TARBP1: variants seen among roughly 807,000 people sequenced by gnomAD.
TARBP1 encodes the protein tRNA (guanosine(18)-2'-O)-methyltransferase TARBP1.
A neutral mutation model predicts 178.6 loss-of-function variants in TARBP1; 144 were observed. That is an observed-to-expected ratio of 0.81 (90% confidence interval 0.70 to 0.93). The LOEUF (loss-of-function observed/expected upper bound fraction) is 0.93, where lower values mean the gene tolerates loss of function less well. TARBP1 is among the 40% of genes least tolerant of loss of function. The probability of loss-of-function intolerance (pLI) is 0.00; values close to 1 mark genes in which losing one functional copy is unlikely to be tolerated. For missense variants in TARBP1, 2,067 were observed against 2,011.7 expected, an observed-to-expected ratio of 1.03 and a Z score of -0.53; for synonymous variants, 787 against 781.0, an observed-to-expected ratio of 1.01 and a Z score of -0.13.
chr1:234,423,405 T>C (rs1558182935), intron 20 of TARBP1, among the ~76,000 whole-genome samples: 1 of 152,162 alleles, frequency 6.6e-6, no homozygotes, highest in African/African-American at 2.4e-5. Flanking sequence ...AAGCCCCTTC[T>C]TTAACTCCAG....
At chr1:234,404,486 C>A (rs1013583848) in intron 24 of TARBP1, among the ~76,000 whole-genome samples, 1 of 152,172 alleles carries the variant, frequency 6.6e-6, no homozygotes, top group Admixed American at 6.5e-5. Flanking sequence ...GTAAACTCAG[C>A]CATGTATTCA....
At chr1:234,473,550 G>T (rs1021092358) in intron 1 of TARBP1, among the ~76,000 whole-genome samples, 2 of 152,190 alleles carry the variant, frequency 1.3e-5, no homozygotes, top group Non-Finnish European at 2.9e-5. Flanking sequence ...TCAGGTCCTA[G>T]AATGCTGGCC....
chr1:234,433,905 T>C (rs1250829648), intron 13 of TARBP1, among the ~76,000 whole-genome samples: 1 of 152,212 alleles, frequency 6.6e-6, no homozygotes, highest in Non-Finnish European at 1.5e-5. Flanking sequence ...TAAATAATAA[T>C]GATAATGGTT....
chr1:234,407,860 T>C (rs1321250178), intron 23 of TARBP1: 3 of 152,228 alleles, frequency 2.0e-5, no homozygotes, highest in Non-Finnish European at 4.4e-5. Context: ...CTTGTATACT[T>C]TCTGCCCTAG....
At position 234,472,696 on chromosome 1, in the gene TARBP1, A is replaced by C. The variant is rs766154111; in HGVS notation, c.1029+18T>G. ...TTGTTATCTACTGTAGGATTTGCTA[A>C]AATAGAAAAACACTTACCTGATTTC... On this transcript the variant is annotated intron_variant, in intron 2 of 29. Coordinates refer to ENST00000040877, the MANE Select transcript of TARBP1 (RefSeq NM_005646.4). 7 of 1,537,098 alleles carry C rather than the reference A, an allele frequency of 4.6e-6. No individual in the cohort carries two copies.
At position 234,450,566 on chromosome 1, in the gene TARBP1, G is replaced by T; in HGVS notation, c.1723C>A (p.Leu575Met). The stretch of plus-strand genomic sequence containing the variant: ...TCATTAACACGTAGCCAGTCACACA[G>T]CTGGAAAAGAAAACAGTTATTACTT... ...LGRGTSLWTE[L>M]CDWLRVNESY... is the part of the protein sequence containing the mutation. The change falls in exon 10 of 30, where the codon CTG (leucine) becomes ATG (methionine). Residue 575 changes from leucine (L) to methionine (M), a missense_variant and splice_region_variant. Coordinates refer to ENST00000040877, the MANE Select transcript of TARBP1 (RefSeq NM_005646.4). The T allele has an allele frequency of 6.2e-7, 1 of 1,606,950 alleles. No homozygotes were observed. The highest frequency in any genetic ancestry group is 1.7e-4 in the Middle Eastern group (1 of 6,046).
chr1:234,467,763 C>G, intron 3 of TARBP1, 113 bp from the exon 4 acceptor site: 1 of 1,122,336 alleles, frequency 8.9e-7, no homozygotes, highest in Non-Finnish European at 1.2e-6. Context: ...TATAACACTA[C>G]AAGAAGTTTT....
At chr1:234,414,447 T>C (rs766571341) in intron 22 of TARBP1, among the ~76,000 whole-genome samples, 3 of 152,016 alleles carry the variant, frequency 2.0e-5, no homozygotes, top group Non-Finnish European at 4.4e-5. Flanking sequence ...ATTTAAGAGG[T>C]AGGCAGGGAA....
intron 29 of TARBP1, 34 bp downstream of exon 29, chr1:234,392,382 A>G: frequency 6.3e-7 from 1 of 1,598,038 alleles, no homozygotes. Flanking sequence ...TCTGGGGCTC[A>G]GAGAATATAC....
chr1:234,398,603 G>T (rs1660382148), intron 25 of TARBP1, 50 bp from the exon 26 acceptor site: 3 of 1,333,954 alleles, frequency 2.2e-6, no homozygotes, highest in African/African-American at 1.5e-5. Context: ...GAATAACAAA[G>T]AAATATATAA....
chr1:234,471,036 T>C (rs2103302439), intron 3 of TARBP1, 152 bp downstream of exon 3: 1 of 622,024 alleles, frequency 1.6e-6, no homozygotes, highest in South Asian at 2.1e-5. Context: ...GTAACAACTG[T>C]TATCTCTTGG....
At position 234,425,736 on chromosome 1, in the gene TARBP1, T is replaced by A. The variant is rs1427827691; in HGVS notation, c.3381A>T (p.Leu1127Phe). Reference protein sequence around the residue: ...RICAVKFLCLLDGSNMSHKLF... With the variant: ...RICAVKFLCLFDGSNMSHKLF... ...ACTTGTGGGACATATTGGAGCCATC[T>A]AATAAACACAGGAATTTGACAGCAC... Residue 1127 changes from leucine (L) to phenylalanine (F), a missense_variant, in exon 20 of 30, where the codon TTA becomes TTT. Transcript: ENST00000040877. 1 of 1,609,764 alleles carries A rather than the reference T, an allele frequency of 6.2e-7. No individual in the cohort carries two copies.
In TARBP1 at chr1:234,427,642, G is replaced by T. The variant is rs1409622071; in HGVS notation, c.3185C>A (p.Ala1062Asp). 1 of 1,598,362 alleles carries T rather than the reference G, an allele frequency of 6.3e-7. No individual in the cohort carries two copies. ...AAGGATAAGTTCGCTATAATTTTTA[G>T]CACTTGATAAAGATCCTTGGGACAC... ...SNVSQGSLSS[A>D]KNYSELILEA... The change falls in exon 18 of 30, where the codon GCT becomes GAT. Residue 1062 changes from alanine to aspartate, a missense_variant. By Grantham distance (126) the Ala-to-Asp change is moderately radical. Transcript: ENST00000040877.
chr1:234,462,849 A>ACGTTGGC (rs1422785103), intron 6 of TARBP1, among the ~76,000 whole-genome samples: 2 of 152,204 alleles, frequency 1.3e-5, no homozygotes. Context: ...GTTTGAATAG[A>ACGTTGGC]CATTACCATT....
intron 1 of TARBP1, among the ~76,000 whole-genome samples, 167 bp downstream of exon 1, chr1:234,478,006 A>T (rs919608128): frequency 2.0e-5 from 3 of 152,204 alleles, no homozygotes; most frequent in Non-Finnish European, 4.4e-5. Flanking sequence ...AACACCCTCG[A>T]GAAGGGGTTC....
chr1:234,418,733 G>A (rs564157866), intron 21 of TARBP1, among the ~76,000 whole-genome samples: 8 of 152,150 alleles, frequency 5.3e-5, no homozygotes, highest in African/African-American at 1.2e-4. Context: ...CACAACTACC[G>A]CACTGTTCTC....
intron 20 of TARBP1, among the ~76,000 whole-genome samples, chr1:234,425,107 C>T (rs1663582152): frequency 6.6e-6 from 1 of 151,812 alleles, no homozygotes; most frequent in African/African-American, 2.4e-5. Flanking sequence ...TGCCTGTAAT[C>T]CCAGCTACTC....
In TARBP1 at chr1:234,478,456, C is replaced by A; in HGVS notation, c.648G>T (p.Ala216=). The A allele has an allele frequency of 7.2e-7, 1 of 1,385,032 alleles. No homozygotes were observed. Among genetic ancestry groups the A allele is most frequent in the South Asian group, 1.5e-5 (1 of 68,952 alleles). 85.8% of individuals were successfully genotyped at this position (1,385,032 alleles called of 1,614,324 possible). ...ALRAVWGGLA[A]PGASLGSGRV... is the part of the protein sequence containing the mutation. ...GGCCGGACCCCAGGGACGCCCCAGG[C>A]GCGGCCAGCCCGCCCCACACGGCCC... Residue 216 remains alanine (A), a synonymous_variant, in exon 1 of 30, where the codon GCG becomes GCT. Transcript: ENST00000040877.
intron 6 of TARBP1, 26 bp downstream of exon 6, chr1:234,463,811 T>C: frequency 7.1e-7 from 1 of 1,407,360 alleles, no homozygotes; most frequent in Non-Finnish European, 9.5e-7. Context: ...AAAGCATTTT[T>C]AAAAAAACCC....
Sources: allele counts gnomAD v4.1 joint callset (sites outside exome capture counted in the v4.1 genomes callset), GRCh38; gene constraint gnomAD v4.1.1; transcripts MANE v1.5; gene names NCBI Gene and HGNC (gene_info 2026-07-23, HGNC 2026-07-21).